The following EMSY variants were observed in gnomAD, a reference collection of about 807,000 sequenced individuals.
The protein encoded by EMSY is EMSY transcriptional repressor, BRCA2 interacting.
In EMSY, 26 loss-of-function variants were observed where a neutral mutation model predicts 134.6. The observed-to-expected ratio is 0.19, with a 90% CI of 0.14 to 0.27. The LOEUF (loss-of-function observed/expected upper bound fraction) is 0.27. EMSY is among the 10% of genes least tolerant of loss of function. The pLI, the probability that EMSY is intolerant of heterozygous loss-of-function variation, is 1.00. For missense variants in EMSY, 1,305 were observed against 1,611.4 expected (o/e 0.81, Z 3.26); for synonymous variants, 579 against 577.8 (o/e 1.00, Z -0.03).
rs142691082 is a variant in EMSY at position 76,544,665 on chromosome 11, C to A, written c.3116C>A (p.Pro1039His). 3.1e-6 allele frequency: 5 copies of A among 1,613,990 alleles called. No individual in the cohort carries two copies. In the African/African-American group the frequency reaches 6.7e-5, roughly 22 times the overall value. Residue 1039 changes from proline to histidine, a missense_variant, in exon 19 of 21, where the codon CCC (proline) becomes CAC (histidine). By Grantham distance (77) the Pro-to-His change is moderately conservative. Coordinates refer to ENST00000334736, the Ensembl canonical transcript of EMSY. ...CAGCTTCCTACCTTAATGGCACAGC[C>A]CCCGCAAACTGTAGTACAGGTGCTT...
At chr11:76,480,436 C>T (rs1463478520) in intron 8 of EMSY, among the ~76,000 whole-genome samples, 1 of 152,200 alleles carries the variant, frequency 6.6e-6, no homozygotes, top group Non-Finnish European at 1.5e-5. Flanking sequence ...GGCAGCTGGA[C>T]TGTGCAACGA....
intron 9 of EMSY, among the ~76,000 whole-genome samples, chr11:76,503,934 A>G (rs1016285147): frequency 2.0e-5 from 3 of 148,596 alleles, no homozygotes; most frequent in African/African-American, 7.4e-5. Context: ...ACAGGCGCGC[A>G]CCATCACGCC....
intron 8 of EMSY, among the ~76,000 whole-genome samples, chr11:76,477,268 C>G (rs1419209650): frequency 3.0e-5 from 4 of 134,678 alleles, no homozygotes; most frequent in Non-Finnish European, 6.8e-5. Flanking sequence ...TAATTTATTT[C>G]TGTTTTTTTT....
chr11:76,545,680 A>G, intron 19 of EMSY, 117 bp from the exon 21 acceptor site: 2 of 1,274,624 alleles, frequency 1.6e-6, no homozygotes, highest in Non-Finnish European at 2.2e-6. Flanking sequence ...GCAAGCTTCA[A>G]AACTGTCTTC....
intron 9 of EMSY, 91 bp downstream of exon 10, chr11:76,496,560 A>C: frequency 7.0e-7 from 1 of 1,422,098 alleles, no homozygotes; most frequent in Non-Finnish European, 9.8e-7. Flanking sequence ...ATGTCTCTTC[A>C]TTTATTTAGG....
At position 76,496,382 on chromosome 11, in the gene EMSY, C is replaced by T. The variant is rs1480966539; in HGVS notation, c.1276C>T (p.Pro426Ser). 6 of 1,613,978 alleles carry T rather than the reference C, an allele frequency of 3.7e-6. No individual in the cohort carries two copies. The Admixed American group carries it at 1.0e-4, about 27-fold the overall frequency. ...GCAGACACAGCAACAAGTGGCCCAG[C>T]CTTCTCCAGTATCTCATCAGCAACA... The change falls in exon 9 of 21, where the codon CCT becomes TCT. Residue 426 changes from proline to serine, a missense_variant. This residue lies in a region of EMSY where 180 missense variants were observed against 171.1 expected (regional missense o/e 1.05). Coordinates refer to ENST00000334736, the Ensembl canonical transcript of EMSY.
At chr11:76,501,730 G>T (rs1415457130) in intron 9 of EMSY, among the ~76,000 whole-genome samples, 1 of 152,070 alleles carries the variant, frequency 6.6e-6, no homozygotes, top group Non-Finnish European at 1.5e-5. Context: ...ACATATAATG[G>T]AAGTACGAGA....
intron 5 of EMSY, 25 bp from the exon 7 acceptor site, chr11:76,459,908 G>A (rs749749282): frequency 3.1e-6 from 5 of 1,604,846 alleles, no homozygotes; most frequent in Middle Eastern, 1.7e-4. Context: ...AAAGTTAACA[G>A]CAAACTTTTT....
At chr11:76,514,688 T>C (rs1433002629) in intron 10 of EMSY, among the ~76,000 whole-genome samples, 1 of 152,166 alleles carries the variant, frequency 6.6e-6, no homozygotes, top group Admixed American at 6.6e-5. Flanking sequence ...ACACCATCTA[T>C]CTCCAAAACG....
At chr11:76,519,205 C>T (rs188435685) in intron 11 of EMSY, among the ~76,000 whole-genome samples, 12 of 151,948 alleles carry the variant, frequency 7.9e-5, no homozygotes, top group Non-Finnish European at 1.5e-4. Context: ...GCTGGGATTA[C>T]AGGCGCCTGC....
At chr11:76,479,291 A>G (rs144585821) in intron 8 of EMSY, among the ~76,000 whole-genome samples, 4 of 152,214 alleles carry the variant, frequency 2.6e-5, no homozygotes, top group African/African-American at 4.8e-5. Context: ...GTAAATTGTA[A>G]TTAAAACACA....
At chr11:76,540,511 A>G (rs1951396176) in intron 17 of EMSY, among the ~76,000 whole-genome samples, 1 of 152,248 alleles carries the variant, frequency 6.6e-6, no homozygotes, top group African/African-American at 2.4e-5. Context: ...ATAAAAGAAT[A>G]CTGGTGATGC....
chr11:76,485,916 A>T (rs1026725893), intron 8 of EMSY, among the ~76,000 whole-genome samples: 2 of 152,158 alleles, frequency 1.3e-5, no homozygotes, highest in Non-Finnish European at 2.9e-5. Context: ...TACCCAAAGG[A>T]TTATACATCA....
rs1262101768 is a variant in EMSY, at chr11:76,481,083, G to A, written c.1108+8243G>A. Among the ~76,000 whole-genome samples, 3 of 152,212 alleles carry A rather than the reference G, an allele frequency of 2.0e-5. No homozygotes were observed. In the South Asian group the frequency reaches 6.2e-4, roughly 32 times the overall value. On this transcript the variant is annotated intron_variant, in intron 8 of 20. Transcript: ENST00000334736. ...TTTTGAGACAGAGTCTTTCTTTGTT[G>A]CCCAGGCTGGAGTGCCATGGCGCTA... is the stretch of plus-strand genomic sequence containing the variant.
rs953827913 is a variant in EMSY, at chr11:76,523,302, G to A, written c.1821+11G>A. The A allele has an allele frequency of 1.9e-6, 3 of 1,605,810 alleles. No homozygotes were observed. Among genetic ancestry groups the A allele is most frequent in the African/African-American group, 2.7e-5 (2 of 74,302 alleles). On this transcript the variant is annotated intron_variant, in intron 12 of 20. Transcript: ENST00000334736. Reference sequence around the variant, plus strand: ...TTGCTAAATGCTGGAGTAAGTGAGAGCTTCAACTGCAGACTTAGCAATTCA... The same window carrying A: ...TTGCTAAATGCTGGAGTAAGTGAGAACTTCAACTGCAGACTTAGCAATTCA...
rs192581449 is a variant in EMSY at position 76,491,601 on chromosome 11, G to C, written c.1109-4614G>C. Among the ~76,000 whole-genome samples the C allele has an allele frequency of 1.3e-3, 194 of 152,342 alleles. 1 individual carries two copies. Among genetic ancestry groups the C allele is most frequent in the African/African-American group, 4.4e-3 (185 of 41,592 alleles). The stretch of plus-strand genomic sequence containing the variant: ...CCTCCTAGGCAGAAGCCCTCACCCA[G>C]TTTGGACTCTGTACTCACCCTAGCC... On this transcript the variant is annotated intron_variant, in intron 8 of 20. Coordinates refer to ENST00000334736, the Ensembl canonical transcript of EMSY.
exon 10 of EMSY, chr11:76,513,528 T>G (rs1356860859): frequency 1.2e-6 from 2 of 1,612,986 alleles, no homozygotes; most frequent in South Asian, 2.2e-5. Flanking sequence ...TGGTAACCAC[T>G]CCTACTGGTA....
At chr11:76,451,823 AG>A (rs758348320) in intron 2 of EMSY, 34 bp from the exon 3 acceptor site, 1 of 1,354,480 alleles carries the variant, frequency 7.4e-7, no homozygotes, top group East Asian at 2.6e-5. Context: ...AAAATATTAA[AG>A]GCCTATCTTG....
intron 8 of EMSY, among the ~76,000 whole-genome samples, chr11:76,473,080 CA>C (rs1411645364): frequency 6.6e-6 from 1 of 152,146 alleles, no homozygotes. Flanking sequence ...CTAACATTCA[CA>C]AAATGTAGGT....
Sources: allele counts gnomAD v4.1 joint callset (sites outside exome capture counted in the v4.1 genomes callset), GRCh38; gene constraint gnomAD v4.1.1; regional missense constraint gnomAD v4.1.1; transcripts MANE v1.5; gene names NCBI Gene and HGNC (gene_info 2026-07-23, HGNC 2026-07-21).